Variants in COMMD10 observed in about 807,000 individuals in gnomAD.
COMMD10 encodes the protein COMM domain-containing protein 10.
A neutral mutation model predicts 28.9 loss-of-function variants in COMMD10; 33 were observed. That is an observed-to-expected ratio of 1.14 (90% CI 0.87 to 1.53). The LOEUF is 1.53. COMMD10 is among the 40% of genes most tolerant of loss of function. The pLI is 0.00. For missense variants in COMMD10, 310 were observed against 233.4 expected (o/e 1.33, Z -2.14); for synonymous variants, 110 against 81.7 (o/e 1.35, Z -1.87).
At chr5:116,288,687 T>C (rs1386488157) in intron 5 of COMMD10, among the ~76,000 whole-genome samples, 1 of 151,730 alleles carries the variant, frequency 6.6e-6, no homozygotes. Context: ...GCAAGTTCAC[T>C]GATTCTTCAT....
chr5:116,257,882 C>T (rs1750336016), intron 5 of COMMD10, among the ~76,000 whole-genome samples: 1 of 151,562 alleles, frequency 6.6e-6, no homozygotes, highest in African/African-American at 2.4e-5. Flanking sequence ...AAGTAATTTT[C>T]CAAGAATTAA....
intron 5 of COMMD10, among the ~76,000 whole-genome samples, chr5:116,225,042 T>C (rs1749355891): frequency 6.6e-6 from 1 of 152,194 alleles, no homozygotes; most frequent in African/African-American, 2.4e-5. Flanking sequence ...TAACCCATAA[T>C]GCAGTTGTAC....
chr5:116,205,195 T>G (rs1353979683), intron 5 of COMMD10, among the ~76,000 whole-genome samples: 1 of 152,190 alleles, frequency 6.6e-6, no homozygotes, highest in Non-Finnish European at 1.5e-5. Flanking sequence ...AAGGGGTCTC[T>G]TCATAAGTGA....
chr5:116,188,921 C>T (rs1024604027), intron 5 of COMMD10, among the ~76,000 whole-genome samples: 1 of 152,210 alleles, frequency 6.6e-6, no homozygotes, highest in Non-Finnish European at 1.5e-5. Flanking sequence ...TAAGCCACTG[C>T]ACCCAGCCCA....
At chr5:116,144,602 A>C (rs1752287496) in intron 5 of COMMD10, among the ~76,000 whole-genome samples, 1 of 121,646 alleles carries the variant, frequency 8.2e-6, no homozygotes, top group African/African-American at 3.4e-5. Context: ...CAGGAGAAGG[A>C]AATATTTCAA....
At chr5:116,193,783 A>G (rs959293250) in intron 5 of COMMD10, among the ~76,000 whole-genome samples, 2 of 152,110 alleles carry the variant, frequency 1.3e-5, no homozygotes, top group Non-Finnish European at 2.9e-5. Flanking sequence ...TCAACAAAGA[A>G]ACAATGAATT....
At chr5:116,162,332 G>T (rs1382042107) in intron 5 of COMMD10, among the ~76,000 whole-genome samples, 1 of 151,276 alleles carries the variant, frequency 6.6e-6, no homozygotes, top group Non-Finnish European at 1.5e-5. Context: ...TTACAAGCAT[G>T]CACCTTAAGT....
chr5:116,260,504 T>G (rs1435070870), intron 5 of COMMD10, among the ~76,000 whole-genome samples: 1 of 151,894 alleles, frequency 6.6e-6, no homozygotes, highest in South Asian at 2.1e-4. Context: ...CCATGGCATG[T>G]CAGTATCTTG....
intron 4 of COMMD10, among the ~76,000 whole-genome samples, chr5:116,093,886 A>G (rs1226363542): frequency 6.6e-6 from 1 of 152,194 alleles, no homozygotes; most frequent in Non-Finnish European, 1.5e-5. Context: ...TTTATAGCCA[A>G]CTGATTTATT....
chr5:116,291,705 C>A (rs1255916553), intron 6 of COMMD10, 129 bp downstream of exon 6: 10 of 529,870 alleles, frequency 1.9e-5, no homozygotes, highest in South Asian at 1.1e-4. Flanking sequence ...TTATAAAAGA[C>A]CTTATGTTTC....
At chr5:116,257,415 C>G (rs1750317905) in intron 5 of COMMD10, among the ~76,000 whole-genome samples, 1 of 151,638 alleles carries the variant, frequency 6.6e-6, no homozygotes. Flanking sequence ...TCTGTACTAA[C>G]CAGTTCCAGA....
chr5:116,178,484 C>T (rs1009486843), intron 5 of COMMD10, among the ~76,000 whole-genome samples: 1 of 151,982 alleles, frequency 6.6e-6, no homozygotes, highest in South Asian at 2.1e-4. Context: ...AATAAAATCC[C>T]TGAAGGCACC....
chr5:116,262,268 C>A (rs190887304), intron 5 of COMMD10, among the ~76,000 whole-genome samples: 1 of 151,630 alleles, frequency 6.6e-6, no homozygotes, highest in African/African-American at 2.4e-5. Context: ...TCCCTCAAAA[C>A]TGCTGAAGTA....
In COMMD10 at chr5:116,280,066, T is replaced by C. The variant is rs78432196; in HGVS notation, c.511-11451T>C. ...GCAAGAACAATGACATGTTTCACTTTTATGTATTTTATGAGTTATTTCACC... is the reference window on the plus strand; with the variant it reads ...GCAAGAACAATGACATGTTTCACTTCTATGTATTTTATGAGTTATTTCACC... On this transcript the variant is annotated intron_variant, in intron 5 of 6. Coordinates refer to ENST00000274458, the MANE Select transcript of COMMD10 (RefSeq NM_016144.4). Among the ~76,000 whole-genome samples the C allele has an allele frequency of 5.0e-3, 766 of 151,962 alleles. 24 individuals carry two copies. Among genetic ancestry groups the C allele is most frequent in the African/African-American group, 0.017 (722 of 41,292 alleles).
At chr5:116,245,500 A>T (rs1490836790) in intron 5 of COMMD10, among the ~76,000 whole-genome samples, 1 of 152,146 alleles carries the variant, frequency 6.6e-6, no homozygotes, top group Non-Finnish European at 1.5e-5. Flanking sequence ...TGAGGCTAGC[A>T]TCACCCTGAT....
chr5:116,213,738 C>G lies in COMMD10; in HGVS notation c.511-77779C>G, dbSNP rs578084737. Among the ~76,000 whole-genome samples the G allele has an allele frequency of 1.4e-4, 21 of 151,916 alleles. No individual in the cohort carries two copies. In the East Asian group the frequency reaches 3.7e-3, roughly 27 times the overall value. ...TTTTATTAGTCTTATTTTAATTTTC[C>G]AGAAAATTTGTGACCTTTTCATAAT... On this transcript the variant is annotated intron_variant, in intron 5 of 6. Transcript: ENST00000274458.
At chr5:116,235,869 T>C (rs1179356486) in intron 5 of COMMD10, among the ~76,000 whole-genome samples, 1 of 152,202 alleles carries the variant, frequency 6.6e-6, no homozygotes, top group Non-Finnish European at 1.5e-5. Flanking sequence ...TGATACTTGC[T>C]CAGCCCTTCC....
intron 5 of COMMD10, among the ~76,000 whole-genome samples, chr5:116,244,619 C>G (rs1276932344): frequency 7.7e-6 from 1 of 130,632 alleles, no homozygotes; most frequent in African/African-American, 2.9e-5. Flanking sequence ...TAAGATGCTA[C>G]TATACCATTA....
intron 5 of COMMD10, among the ~76,000 whole-genome samples, chr5:116,241,838 C>G (rs1749824108): frequency 6.6e-6 from 1 of 151,602 alleles, no homozygotes; most frequent in Non-Finnish European, 1.5e-5. Flanking sequence ...AGGATGGTCT[C>G]TATCTCCTGA....
Sources: gnomAD v4.1 joint callset for allele counts (sites outside exome capture counted in the v4.1 genomes callset) on GRCh38, gnomAD v4.1.1 for gene constraint, MANE v1.5 for transcripts, NCBI Gene and HGNC (gene_info 2026-07-23, HGNC 2026-07-21) for gene names.